Variants in MECOM observed in about 807,000 individuals in gnomAD.
MECOM encodes MDS1 and EVI1 complex locus.
In MECOM, 13 loss-of-function variants were observed where a neutral mutation model predicts 116.3. That is an observed-to-expected ratio of 0.11 (90% CI 0.07 to 0.18). MECOM has a LOEUF of 0.18. Among genes scored for constraint, MECOM ranks in the 10% least tolerant of loss-of-function variants. The pLI, the probability that MECOM is intolerant of heterozygous loss-of-function variation, is 1.00. For synonymous variants in MECOM, 528 were observed against 535.2 expected (o/e 0.99, Z 0.19); for missense variants, 1,299 against 1,509.0 (o/e 0.86, Z 2.31).
At chr3:169,660,338 TC>T (rs1261802453) in intron 1 of MECOM, among the ~76,000 whole-genome samples, 1 of 152,188 alleles carries the variant, frequency 6.6e-6, no homozygotes, top group East Asian at 1.9e-4. Context: ...TTTTTAACCT[TC>T]CCAAATGATT....
At chr3:169,360,044 G>A (rs923484181) in intron 2 of MECOM, among the ~76,000 whole-genome samples, 1 of 151,560 alleles carries the variant, frequency 6.6e-6, no homozygotes, top group African/African-American at 2.4e-5. Flanking sequence ...TGCCCTTCAA[G>A]TTCTTCCTTG....
intron 1 of MECOM, among the ~76,000 whole-genome samples, chr3:169,534,171 G>A (rs61534279): frequency 0.016 from 2,389 of 152,132 alleles, 61 homozygotes; most frequent in African/African-American, 0.055. Flanking sequence ...TTTAACCAAG[G>A]TTTCTTTTGT....
At chr3:169,219,348 T>C (rs1487114470) in intron 2 of MECOM, among the ~76,000 whole-genome samples, 2 of 151,784 alleles carry the variant, frequency 1.3e-5, no homozygotes, top group East Asian at 3.9e-4. Context: ...CCACTAAAAA[T>C]ACAAAAAAAT....
At chr3:169,317,678 C>T (rs1720007351) in intron 2 of MECOM, among the ~76,000 whole-genome samples, 1 of 152,212 alleles carries the variant, frequency 6.6e-6, no homozygotes, top group Non-Finnish European at 1.5e-5. Context: ...ACTCCTAGGA[C>T]AGTGACTAAT....
intron 1 of MECOM, among the ~76,000 whole-genome samples, chr3:169,613,202 T>C (rs1405111181): frequency 6.6e-6 from 1 of 152,212 alleles, no homozygotes; most frequent in African/African-American, 2.4e-5. Context: ...TCTCCTTAGA[T>C]AGTGTGCTCT....
intron 1 of MECOM, among the ~76,000 whole-genome samples, chr3:169,494,897 C>T (rs1036567649): frequency 6.6e-6 from 1 of 152,128 alleles, no homozygotes; most frequent in South Asian, 2.1e-4. Flanking sequence ...TAATGATGAT[C>T]CAAGGAATGG....
At chr3:169,189,168 A>G (rs1162876191) in intron 2 of MECOM, among the ~76,000 whole-genome samples, 1 of 152,082 alleles carries the variant, frequency 6.6e-6, no homozygotes, top group African/African-American at 2.4e-5. Flanking sequence ...ATTAAGACCT[A>G]TGTTGCTTTA....
chr3:169,276,121 T>C (rs1212316892), intron 2 of MECOM, among the ~76,000 whole-genome samples: 1 of 152,200 alleles, frequency 6.6e-6, no homozygotes, highest in Non-Finnish European at 1.5e-5. Flanking sequence ...ATCAAGTATT[T>C]ATGGTAGGTG....
Position 169,527,518 on chromosome 3 carries a change from G to A in MECOM, c.37+135818C>T, listed in dbSNP as rs557802393. Among the ~76,000 whole-genome samples, 73 of 152,160 alleles carry A rather than the reference G, an allele frequency of 4.8e-4. 1 individual carries two copies. Among genetic ancestry groups the A allele is most frequent in the African/African-American group, 1.6e-3 (68 of 41,514 alleles). On this transcript the variant is annotated intron_variant, in intron 1 of 16. Coordinates refer to ENST00000651503, the MANE Select transcript of MECOM (RefSeq NM_004991.4). Reference sequence around the variant, plus strand: ...TCTAAACGTGATGGCTTTTACATACGGTGCATAATTAAACATTTTCTTTTC... The same window carrying A: ...TCTAAACGTGATGGCTTTTACATACAGTGCATAATTAAACATTTTCTTTTC...
At chr3:169,263,123 ATATATG>A (rs1757795718) in intron 2 of MECOM, among the ~76,000 whole-genome samples, 3 of 19,646 alleles carry the variant, frequency 1.5e-4, no homozygotes, top group African/African-American at 7.2e-4. Context: ...ATATATATAT[ATATATG>A]TTTTTTTTTT....
At chr3:169,163,045 A>T (rs1473402013) in intron 2 of MECOM, among the ~76,000 whole-genome samples, 1 of 152,178 alleles carries the variant, frequency 6.6e-6, no homozygotes, top group Non-Finnish European at 1.5e-5. Context: ...AATAATAATA[A>T]TAAAAAGCAC....
chr3:169,263,114 TATATATATA>T (rs1757783832), intron 2 of MECOM, among the ~76,000 whole-genome samples: 1 of 100,050 alleles, frequency 1.0e-5, no homozygotes, highest in African/African-American at 5.4e-5. Flanking sequence ...TATATATATA[TATATATATA>T]TATATGTTTT....
intron 2 of MECOM, among the ~76,000 whole-genome samples, chr3:169,230,161 C>T (rs1753198547): frequency 6.6e-6 from 1 of 152,056 alleles, no homozygotes; most frequent in African/African-American, 2.4e-5. Flanking sequence ...CTCCTATGTT[C>T]ACCTCATTTC....
At chr3:169,414,685 C>T (rs572200497) in intron 1 of MECOM, among the ~76,000 whole-genome samples, 28 of 152,180 alleles carry the variant, frequency 1.8e-4, no homozygotes, top group African/African-American at 4.1e-4. Context: ...TTAGAAAGAA[C>T]GTAAGTGATC....
chr3:169,520,486 T>C (rs568702525), intron 1 of MECOM, among the ~76,000 whole-genome samples: 1 of 152,308 alleles, frequency 6.6e-6, no homozygotes, highest in South Asian at 2.1e-4. Flanking sequence ...AAAAAGGGGA[T>C]GGAGGCTATC....
In MECOM at chr3:169,516,942, G is replaced by A. The variant is rs181782443; in HGVS notation, c.38-135418C>T. 2.3e-3 allele frequency among the ~76,000 whole-genome samples: 353 copies of A among 152,282 alleles called. 2 individuals carry two copies. The highest frequency in any genetic ancestry group is 8.1e-3 in the African/African-American group (336 of 41,546). On this transcript the variant is annotated intron_variant, in intron 1 of 16. Transcript: ENST00000651503. ...TGCAACATGCAGGCAAACGAAAAAG[G>A]TCCATGTGGATGGTAGGAAATCATA...
At chr3:169,420,704 T>C (rs1396541011) in intron 1 of MECOM, among the ~76,000 whole-genome samples, 2 of 152,080 alleles carry the variant, frequency 1.3e-5, no homozygotes, top group African/African-American at 4.8e-5. Context: ...AATTTTTACT[T>C]TCAATTTCTC....
intron 2 of MECOM, among the ~76,000 whole-genome samples, chr3:169,144,732 G>A (rs1469850529): frequency 3.3e-5 from 5 of 152,124 alleles, no homozygotes; most frequent in African/African-American, 1.2e-4. Context: ...AATATTAAAA[G>A]CTGTAGAGTT....
intron 2 of MECOM, among the ~76,000 whole-genome samples, chr3:169,293,042 A>T (rs1312217368): frequency 6.6e-6 from 1 of 152,194 alleles, no homozygotes; most frequent in Non-Finnish European, 1.5e-5. Context: ...AGGCCATCTT[A>T]TAACTAATAA....
Sources: allele counts gnomAD v4.1 joint callset (sites outside exome capture counted in the v4.1 genomes callset), GRCh38; gene constraint gnomAD v4.1.1; transcripts MANE v1.5; gene names NCBI Gene and HGNC (gene_info 2026-07-23, HGNC 2026-07-21).